The following CDKAL1 variants were observed in gnomAD, a reference collection of about 807,000 sequenced individuals.
The protein encoded by CDKAL1 is threonylcarbamoyladenosine tRNA methylthiotransferase.
A neutral mutation model predicts 68.2 loss-of-function variants in CDKAL1; 32 were observed. That is an observed-to-expected ratio of 0.47 (90% CI 0.35 to 0.63). The LOEUF (loss-of-function observed/expected upper bound fraction) is 0.63. CDKAL1 is among the 30% of genes least tolerant of loss of function. The probability of loss-of-function intolerance (pLI) is 0.00; values close to 1 mark genes in which losing one functional copy is unlikely to be tolerated. For missense variants in CDKAL1, 606 were observed against 696.7 expected (o/e 0.87, Z 1.47); for synonymous variants, 234 against 244.3 (o/e 0.96, Z 0.39).
intron 4 of CDKAL1, among the ~76,000 whole-genome samples, chr6:20,629,792 T>A (rs1313197527): frequency 1.3e-5 from 2 of 151,918 alleles, no homozygotes; most frequent in Non-Finnish European, 2.9e-5. Flanking sequence ...CATGTTCTTC[T>A]TGGGCTCTGA....
intron 9 of CDKAL1, among the ~76,000 whole-genome samples, chr6:20,934,899 C>CTT (rs1428724727): frequency 2.8e-5 from 3 of 106,088 alleles, no homozygotes; most frequent in South Asian, 6.8e-4. Context: ...CCGCCTTATA[C>CTT]ATTTTTTTTT....
chr6:21,039,603 T>C (rs1769798275), intron 11 of CDKAL1, among the ~76,000 whole-genome samples: 1 of 152,238 alleles, frequency 6.6e-6, no homozygotes, highest in Non-Finnish European at 1.5e-5. Flanking sequence ...TTTGCACCTG[T>C]ATTTTTGTTA....
At chr6:20,955,275 A>G (rs1764723794) in intron 9 of CDKAL1, 144 bp from the exon 10 acceptor site, 2 of 746,786 alleles carry the variant, frequency 2.7e-6, no homozygotes, top group Admixed American at 2.6e-5. Context: ...GCACCATGGG[A>G]TAAGCTGCTT....
intron 11 of CDKAL1, among the ~76,000 whole-genome samples, chr6:21,044,086 G>T (rs907827929): frequency 6.6e-6 from 1 of 152,164 alleles, no homozygotes; most frequent in Non-Finnish European, 1.5e-5. Flanking sequence ...CTGTGATCCT[G>T]TTATACCATG....
intron 4 of CDKAL1, among the ~76,000 whole-genome samples, chr6:20,596,792 G>A (rs2127707223): frequency 6.6e-6 from 1 of 152,304 alleles, no homozygotes; most frequent in African/African-American, 2.4e-5. Flanking sequence ...GGTGGTGTAG[G>A]CACCCGAGGG....
intron 4 of CDKAL1, among the ~76,000 whole-genome samples, chr6:20,640,613 G>T (rs1163160189): frequency 6.6e-6 from 1 of 152,170 alleles, no homozygotes; most frequent in Non-Finnish European, 1.5e-5. Flanking sequence ...TTTGAAGCCC[G>T]ATTGTTAGTC....
At chr6:20,607,869 A>G (rs1192914216) in intron 4 of CDKAL1, among the ~76,000 whole-genome samples, 1 of 151,900 alleles carries the variant, frequency 6.6e-6, no homozygotes, top group Non-Finnish European at 1.5e-5. Flanking sequence ...TAATTTTTGT[A>G]TTTTTAGTAG....
At chr6:20,974,318 C>T (rs1312214387) in intron 10 of CDKAL1, among the ~76,000 whole-genome samples, 1 of 152,162 alleles carries the variant, frequency 6.6e-6, no homozygotes, top group African/African-American at 2.4e-5. Flanking sequence ...TTTGCCCAAA[C>T]TTTGTTATTT....
At chr6:20,770,126 C>A (rs1774876385) in intron 7 of CDKAL1, among the ~76,000 whole-genome samples, 1 of 151,658 alleles carries the variant, frequency 6.6e-6, no homozygotes, top group African/African-American at 2.4e-5. Flanking sequence ...TTTGTGCCAA[C>A]ATAAAACATT....
At chr6:21,198,589 T>C (rs1473673031) in intron 14 of CDKAL1, among the ~76,000 whole-genome samples, 1 of 152,216 alleles carries the variant, frequency 6.6e-6, no homozygotes, top group Non-Finnish European at 1.5e-5. Flanking sequence ...ATCTGTTTTT[T>C]TAACTTCTAC....
chr6:21,038,299 G>C (rs898700653), intron 11 of CDKAL1, among the ~76,000 whole-genome samples: 1 of 152,172 alleles, frequency 6.6e-6, no homozygotes, highest in South Asian at 2.1e-4. Flanking sequence ...AGGCTAGAAG[G>C]CATGGGGATT....
At chr6:20,747,060 G>A (rs1393714529) in intron 6 of CDKAL1, among the ~76,000 whole-genome samples, 1 of 152,000 alleles carries the variant, frequency 6.6e-6, no homozygotes, top group African/African-American at 2.4e-5. Context: ...CTTGTTTTAA[G>A]TAAAGCTTTT....
chr6:20,653,119 T>A (rs1213945276), intron 5 of CDKAL1, among the ~76,000 whole-genome samples: 1 of 152,260 alleles, frequency 6.6e-6, no homozygotes, highest in African/African-American at 2.4e-5. Flanking sequence ...CATTTTATTA[T>A]TAATAGAGTT....
chr6:20,942,116 T>C (rs1763998971), intron 9 of CDKAL1, among the ~76,000 whole-genome samples: 1 of 152,138 alleles, frequency 6.6e-6, no homozygotes, highest in South Asian at 2.1e-4. Context: ...TTTTATAAAA[T>C]AGAAAAAAGA....
At chr6:21,063,428 G>T (rs1285254305) in intron 11 of CDKAL1, among the ~76,000 whole-genome samples, 2 of 152,126 alleles carry the variant, frequency 1.3e-5, no homozygotes, top group Non-Finnish European at 2.9e-5. Context: ...CCAACATTTG[G>T]GCCTATCAAA....
intron 9 of CDKAL1, among the ~76,000 whole-genome samples, chr6:20,853,060 T>C (rs1759104468): frequency 6.6e-6 from 1 of 152,122 alleles, no homozygotes; most frequent in African/African-American, 2.4e-5. Context: ...AATATGCAAA[T>C]AAATGGATAT....
At chr6:20,949,081 C>T (rs1764400082) in intron 9 of CDKAL1, among the ~76,000 whole-genome samples, 1 of 152,042 alleles carries the variant, frequency 6.6e-6, no homozygotes, top group East Asian at 1.9e-4. Context: ...CTGGAAATAC[C>T]ATCTCTTTGT....
intron 5 of CDKAL1, among the ~76,000 whole-genome samples, chr6:20,725,424 GGCGTATATGCAGTGGTCTGACTT>G (rs1359659293): frequency 6.6e-6 from 1 of 152,206 alleles, no homozygotes; most frequent in Non-Finnish European, 1.5e-5. Context: ...AATGCAGTGA[GGCGTATATGCAGTGGTCTGACTT>G]CCGTAAGCCT....
intron 12 of CDKAL1, among the ~76,000 whole-genome samples, chr6:21,098,653 G>C (rs1773435892): frequency 6.6e-6 from 1 of 151,264 alleles, no homozygotes; most frequent in African/African-American, 2.4e-5. Flanking sequence ...CTTCAAGGTG[G>C]AGTTGACTCA....
Sources: gnomAD v4.1 joint callset for allele counts (sites outside exome capture counted in the v4.1 genomes callset) on GRCh38, gnomAD v4.1.1 for gene constraint, MANE v1.5 for transcripts, NCBI Gene and HGNC (gene_info 2026-07-23, HGNC 2026-07-21) for gene names.